Variants in TBL1X observed in about 807,000 individuals in gnomAD.
The protein encoded by TBL1X is F-box-like/WD repeat-containing protein TBL1X.
In TBL1X, 10 loss-of-function variants were observed where a neutral mutation model predicts 50.7. The observed-to-expected ratio is 0.20, with a 90% confidence interval of 0.12 to 0.33. The LOEUF (loss-of-function observed/expected upper bound fraction) is 0.33, where lower values mean the gene tolerates loss of function less well. Ranked by LOEUF, TBL1X falls within the 10% of genes least tolerant of loss-of-function variation. The pLI, the probability that TBL1X is intolerant of heterozygous loss-of-function variation, is 1.00. For missense variants in TBL1X, 340 were observed against 504.4 expected (o/e 0.67, Z 3.12); for synonymous variants, 190 against 214.7 (o/e 0.88, Z 1.01).
chrX:9,622,420 C>T (rs1448845147), intron 2 of TBL1X, among the ~76,000 whole-genome samples: 2 of 111,047 alleles, frequency 1.8e-5, no homozygotes, highest in South Asian at 3.8e-4. Flanking sequence ...CTTAGTGTAG[C>T]GTCTTCAAGG....
At chrX:9,622,182 A>T (rs1279416113) in intron 2 of TBL1X, among the ~76,000 whole-genome samples, 1 of 110,539 alleles carries the variant, frequency 9.0e-6, no homozygotes, top group Non-Finnish European at 1.9e-5. Flanking sequence ...TTGTGGTAAA[A>T]TGCACATAAC....
intron 2 of TBL1X, among the ~76,000 whole-genome samples, chrX:9,578,789 A>G (rs777333927): frequency 3.6e-5 from 4 of 112,317 alleles, no homozygotes; most frequent in Non-Finnish European, 7.5e-5. Context: ...ATTGATGATG[A>G]TAACAACAAT....
chrX:9,663,313 A>G (rs1304173104), intron 5 of TBL1X, among the ~76,000 whole-genome samples: 1 of 111,962 alleles, frequency 8.9e-6, no homozygotes, highest in Non-Finnish European at 1.9e-5. Flanking sequence ...ACATATGGCC[A>G]GTGTCCATCA....
chrX:9,719,217 T>A lies in TBL1X; in HGVS notation c.*2971T>A, dbSNP rs1018717079. 8.9e-6 allele frequency: 1 copy of A among 112,065 alleles called. No individual in the cohort carries two copies. Among genetic ancestry groups the A allele is most frequent in the African/African-American group, 3.3e-5 (1 of 30,728 alleles). The allele number at this position is 112,065 out of a possible 1,213,427, so 9.2% of individuals were successfully genotyped here. ...GTCCAGCACACACCTGGGAAAGGGA[T>A]GCTGCCCCAAGGGGGACCAAAAGGG... On this transcript the variant is annotated 3_prime_UTR_variant, in exon 18 of 18. Coordinates refer to ENST00000645353, the MANE Select transcript of TBL1X (RefSeq NM_005647.4).
At chrX:9,569,044 ATGTG>A (rs1209901187) in intron 2 of TBL1X, among the ~76,000 whole-genome samples, 2 of 57,914 alleles carry the variant, frequency 3.5e-5, no homozygotes, top group African/African-American at 1.4e-4. Flanking sequence ...GGTGTGCTGT[ATGTG>A]TGTGTCTATC....
At chrX:9,714,121 A>C (rs1209420392) in intron 16 of TBL1X, among the ~76,000 whole-genome samples, 1 of 110,264 alleles carries the variant, frequency 9.1e-6, no homozygotes, top group East Asian at 2.9e-4. Flanking sequence ...GCCTTATTCA[A>C]CTCTTTCAAA....
intron 2 of TBL1X, among the ~76,000 whole-genome samples, chrX:9,607,027 A>G: frequency 8.9e-6 from 1 of 112,791 alleles, no homozygotes; most frequent in East Asian, 2.8e-4. Context: ...CAAAGTTTAC[A>G]GAGTTTTCCC....
rs191055004 is a variant in TBL1X at position 9,597,377 on chromosome X, T to G, written c.-130-42896T>G. Among the ~76,000 whole-genome samples the G allele has an allele frequency of 3.5e-3, 391 of 111,978 alleles. 1 individual carries two copies. Among genetic ancestry groups the G allele is most frequent in the African/African-American group, 0.012 (372 of 30,790 alleles). On this transcript the variant is annotated intron_variant, in intron 2 of 17. Transcript: ENST00000645353. ...ATTTTAGAGAGTGGGTGTAGTGGTC[T>G]GTTTCAGAAGACTCAAGTCTACACT...
At chrX:9,477,606 T>C (rs1412741679) in intron 1 of TBL1X, among the ~76,000 whole-genome samples, 1 of 112,344 alleles carries the variant, frequency 8.9e-6, no homozygotes, top group Non-Finnish European at 1.9e-5. Context: ...CTTTAAGAGA[T>C]ATGTCATTTA....
intron 11 of TBL1X, among the ~76,000 whole-genome samples, chrX:9,694,255 C>T (rs1056604449): frequency 9.3e-6 from 1 of 107,124 alleles, no homozygotes; most frequent in African/African-American, 3.4e-5. Context: ...AAAAAAAAGA[C>T]GTGTTTTCAC....
At chrX:9,585,985 C>A (rs1348297616) in intron 2 of TBL1X, among the ~76,000 whole-genome samples, 2 of 111,824 alleles carry the variant, frequency 1.8e-5, no homozygotes, top group Non-Finnish European at 3.8e-5. Flanking sequence ...AACAAAAAAA[C>A]CAACCCAAAA....
chrX:9,602,007 G>A (rs2082559595), intron 2 of TBL1X, among the ~76,000 whole-genome samples: 1 of 112,082 alleles, frequency 8.9e-6, no homozygotes, highest in Admixed American at 9.4e-5. Flanking sequence ...TTGCGCCACT[G>A]CACTCCAGCC....
intron 11 of TBL1X, among the ~76,000 whole-genome samples, chrX:9,694,008 T>C (rs1165877874): frequency 9.1e-6 from 1 of 109,924 alleles, no homozygotes; most frequent in Non-Finnish European, 1.9e-5. Context: ...ATCAATGGGG[T>C]GGGAACCCAA....
chrX:9,489,217 G>A (rs979323833), intron 1 of TBL1X, among the ~76,000 whole-genome samples: 23 of 110,158 alleles, frequency 2.1e-4, no homozygotes, highest in Non-Finnish European at 3.8e-4. Context: ...CAGAGGTAGC[G>A]GGTGGGGCCT....
chrX:9,627,837 T>C (rs1044412717), intron 2 of TBL1X, among the ~76,000 whole-genome samples: 5 of 112,431 alleles, frequency 4.4e-5, no homozygotes, highest in African/African-American at 1.6e-4. Flanking sequence ...GATTGTTCAC[T>C]TACACTCTTC....
intron 5 of TBL1X, among the ~76,000 whole-genome samples, chrX:9,679,782 G>T (rs1454368406): frequency 9.0e-6 from 1 of 111,705 alleles, no homozygotes; most frequent in Admixed American, 9.5e-5. Context: ...AGTGGGAGGG[G>T]TGAGATGCTG....
chrX:9,632,473 G>A (rs899134612), intron 2 of TBL1X, among the ~76,000 whole-genome samples: 18 of 111,170 alleles, frequency 1.6e-4, no homozygotes, highest in African/African-American at 5.9e-4. Flanking sequence ...AGTAGAGATG[G>A]GATTTCGCTA....
At chrX:9,659,073 C>T (rs775709402) in intron 5 of TBL1X, among the ~76,000 whole-genome samples, 66 of 111,601 alleles carry the variant, frequency 5.9e-4, no homozygotes, top group African/African-American at 2.1e-3. Flanking sequence ...GATCCTCCCC[C>T]CCGGCCTCAT....
rs754032288 is a variant in TBL1X at position 9,539,290 on chromosome X, A to C, written c.-131+37441A>C. ...TCAGATTAGGGTGCATTGTGTCACCACCATTTTGCATAGCTGTGGCACCTT... is the reference window on the plus strand; with the variant it reads ...TCAGATTAGGGTGCATTGTGTCACCCCCATTTTGCATAGCTGTGGCACCTT... On this transcript the variant is annotated intron_variant, in intron 2 of 17. Coordinates refer to ENST00000645353, the MANE Select transcript of TBL1X (RefSeq NM_005647.4). Among the ~76,000 whole-genome samples the C allele has an allele frequency of 9.2e-4, 103 of 111,495 alleles. 1 individual carries two copies. The highest frequency in any genetic ancestry group is 1.8e-3 in the Non-Finnish European group (93 of 53,045).
Sources: allele counts gnomAD v4.1 joint callset (sites outside exome capture counted in the v4.1 genomes callset), GRCh38; gene constraint gnomAD v4.1.1; transcripts MANE v1.5; gene names NCBI Gene and HGNC (gene_info 2026-07-23, HGNC 2026-07-21).